TXNDC9: variants seen among roughly 807,000 people sequenced by gnomAD.
TXNDC9 encodes thioredoxin domain-containing protein 9.
TXNDC9 carries 7 observed loss-of-function variants against 23.0 expected under a neutral mutation model. The observed-to-expected ratio is 0.30, with a 90% CI of 0.17 to 0.57. TXNDC9 has a LOEUF of 0.57. Among genes scored for constraint, TXNDC9 ranks in the 20% least tolerant of loss-of-function variants. The pLI, the probability that TXNDC9 is intolerant of heterozygous loss-of-function variation, is 0.90. For synonymous variants in TXNDC9, 72 were observed against 90.6 expected (o/e 0.79, Z 1.17); for missense variants, 198 against 252.6 (o/e 0.78, Z 1.47).
At chr2:99,316,112 TTTTTC>T (rs929493140), downstream of TXNDC9, among the ~76,000 whole-genome samples, 6 of 56,760 alleles carry the variant, frequency 1.1e-4, no homozygotes, top group Non-Finnish European at 1.7e-4. Context: ...TTTGCATTTC[TTTTTC>T]TTTTTTTTTT....
chr2:99,330,016 G>A (rs1477964414), intron 2 of TXNDC9, among the ~76,000 whole-genome samples: 10 of 151,200 alleles, frequency 6.6e-5, no homozygotes, highest in African/African-American at 9.7e-5. Context: ...TAGGCCGGGC[G>A]CAGTGGCTCA....
chr2:99,312,086 G>A, the TXNDC9 span, among the ~76,000 whole-genome samples: 1 of 152,164 alleles, frequency 6.6e-6, no homozygotes, highest in Non-Finnish European at 1.5e-5. Context: ...GGAAGACCCT[G>A]GCAGTCATCT....
At chr2:99,320,217 A>G (rs2094198254) in intron 4 of TXNDC9, among the ~76,000 whole-genome samples, 1 of 152,120 alleles carries the variant, frequency 6.6e-6, no homozygotes, top group Non-Finnish European at 1.5e-5. Flanking sequence ...TACATTGCCC[A>G]GGCTTGTCTT....
downstream of TXNDC9, among the ~76,000 whole-genome samples, chr2:99,314,715 G>C (rs374825628): frequency 2.7e-5 from 4 of 150,518 alleles, no homozygotes; most frequent in African/African-American, 9.8e-5. Context: ...GTTTTTAGTA[G>C]AGACGGGGTT....
chr2:99,326,003 T>A (rs568781501), intron 3 of TXNDC9, among the ~76,000 whole-genome samples: 34 of 151,232 alleles, frequency 2.2e-4, no homozygotes, highest in African/African-American at 8.3e-4. Context: ...AGTGTAAGAC[T>A]CTGTCTCAAA....
the TXNDC9 span, among the ~76,000 whole-genome samples, chr2:99,310,055 G>T: frequency 6.6e-6 from 1 of 152,094 alleles, no homozygotes; most frequent in Non-Finnish European, 1.5e-5. Context: ...TACTTCACAG[G>T]GTTGTTGTGA....
At chr2:99,334,336 C>G (rs2094233514) in intron 1 of TXNDC9, among the ~76,000 whole-genome samples, 1 of 152,204 alleles carries the variant, frequency 6.6e-6, no homozygotes, top group South Asian at 2.1e-4. Context: ...CCCTGGGCAA[C>G]AGAGCCAGAC....
chr2:99,330,683 T>C (rs1351969206), intron 2 of TXNDC9, among the ~76,000 whole-genome samples: 2 of 152,138 alleles, frequency 1.3e-5, no homozygotes, highest in Non-Finnish European at 2.9e-5. Flanking sequence ...AGTAGGAGGG[T>C]GCTTGGCTGA....
chr2:99,335,080 G>A (rs112259019), intron 1 of TXNDC9, among the ~76,000 whole-genome samples: 4 of 152,318 alleles, frequency 2.6e-5, no homozygotes, highest in African/African-American at 9.6e-5. Context: ...AACAATTAGA[G>A]GGCAAGTTTA....
intron 2 of TXNDC9, among the ~76,000 whole-genome samples, chr2:99,328,474 C>T (rs532291261): frequency 3.9e-5 from 6 of 152,210 alleles, no homozygotes; most frequent in South Asian, 2.1e-4. Flanking sequence ...AACTAGTCTA[C>T]GGACAGTGAA....
In TXNDC9 at chr2:99,319,400, T is replaced by C. The variant is rs1054821895; in HGVS notation, c.*282A>G. 14 of 234,722 alleles carry C rather than the reference T, an allele frequency of 6.0e-5. No homozygotes were observed. Among genetic ancestry groups the C allele is most frequent in the Non-Finnish European group, 9.7e-5 (12 of 123,840 alleles). The allele number at this position is 234,722 out of a possible 1,614,324, so 14.5% of individuals were successfully genotyped here. A position where few individuals can be genotyped will look rare whatever the true frequency, so the allele number is the denominator to read the frequency against. ...CTAACTCTGTAGATCTAAAACACAATTGTAAATGGTATAAAGATGTAAGAA... is the reference window on the plus strand; with the variant it reads ...CTAACTCTGTAGATCTAAAACACAACTGTAAATGGTATAAAGATGTAAGAA... On this transcript the variant is annotated 3_prime_UTR_variant, in exon 5 of 5. Coordinates refer to ENST00000264255, the MANE Select transcript of TXNDC9 (RefSeq NM_005783.4).
In TXNDC9 at chr2:99,322,008, G is replaced by A. The variant is rs780293704; in HGVS notation, c.510C>T (p.Phe170=). 9.3e-6 allele frequency: 15 copies of A among 1,613,886 alleles called. No homozygotes were observed. Among genetic ancestry groups the A allele is most frequent in the African/African-American group, 5.3e-5 (4 of 74,916 alleles). Residue 170 remains phenylalanine (F), a synonymous_variant, in exon 4 of 5, where the codon TTC becomes TTT. Transcript: ENST00000264255. ...GCCTCCATTCTAAAGTTTCTGTGGT[G>A]AAGTCATCTGTATTTCCTAGGTCAG... The part of the protein sequence containing the change: ...GFTDLGNTDD[F]TTETLEWRLG...
At chr2:99,311,471 A>G in the TXNDC9 span, among the ~76,000 whole-genome samples, 1 of 151,436 alleles carries the variant, frequency 6.6e-6, no homozygotes, top group Non-Finnish European at 1.5e-5. Context: ...AATATTTTGT[A>G]GAGATGGTGG....
the TXNDC9 span, among the ~76,000 whole-genome samples, chr2:99,309,430 C>T: frequency 6.6e-6 from 1 of 151,962 alleles, no homozygotes; most frequent in African/African-American, 2.4e-5. Context: ...GACATTCTTA[C>T]AGGCTTATAA....
Position 99,319,375 on chromosome 2 carries a change from C to T in TXNDC9, c.*307G>A. On this transcript the variant is annotated 3_prime_UTR_variant, in exon 5 of 5. Transcript: ENST00000264255. ...TAGTCCTGGAATAGTTTTCGAATTT[C>T]TAACTCTGTAGATCTAAAACACAAT... The T allele has an allele frequency of 5.1e-6, 1 of 195,712 alleles. No individual in the cohort carries two copies. The highest frequency in any genetic ancestry group is 1.0e-5 in the Non-Finnish European group (1 of 98,076). The allele number at this position is 195,712 out of a possible 1,614,324, so 12.1% of individuals were successfully genotyped here.
At chr2:99,315,911 T>C (rs953949269), downstream of TXNDC9, among the ~76,000 whole-genome samples, 2 of 152,198 alleles carry the variant, frequency 1.3e-5, no homozygotes, top group African/African-American at 2.4e-5. Flanking sequence ...AAATATGTTA[T>C]TTATCAAGAT....
chr2:99,327,772 T>C (rs558013694), intron 2 of TXNDC9, 119 bp from the exon 3 acceptor site: 1 of 644,056 alleles, frequency 1.6e-6, no homozygotes, highest in African/African-American at 1.9e-5. Context: ...AAAAAAAAGT[T>C]TTTTTTTTGT....
At chr2:99,334,659 C>T (rs958909755) in intron 1 of TXNDC9, among the ~76,000 whole-genome samples, 1 of 152,192 alleles carries the variant, frequency 6.6e-6, no homozygotes, top group African/African-American at 2.4e-5. Context: ...TTATGTGGCA[C>T]ATGACTATAT....
chr2:99,331,523 A>G (rs1427691942), intron 2 of TXNDC9, among the ~76,000 whole-genome samples: 5 of 151,906 alleles, frequency 3.3e-5, no homozygotes, highest in African/African-American at 9.7e-5. Flanking sequence ...AAAAAAAAAA[A>G]AAAGAAAGAA....
Sources: allele counts gnomAD v4.1 joint callset (sites outside exome capture counted in the v4.1 genomes callset), GRCh38; gene constraint gnomAD v4.1.1; transcripts MANE v1.5; gene names NCBI Gene and HGNC (gene_info 2026-07-23, HGNC 2026-07-21).